SAP130: variants seen among roughly 807,000 people sequenced by gnomAD.
The protein encoded by SAP130 is histone deacetylase complex subunit SAP130.
In SAP130, 16 loss-of-function variants were observed where a neutral mutation model predicts 103.2. The ratio of observed to expected loss-of-function variants is 0.16; its 90% CI spans 0.10 to 0.24. SAP130 has a LOEUF of 0.24. SAP130 is among the 10% of genes least tolerant of loss of function. The pLI is 1.00. For synonymous variants in SAP130, 477 were observed against 497.0 expected, an observed-to-expected ratio of 0.96 and a Z score of 0.53; for missense variants, 990 against 1,359.7, an observed-to-expected ratio of 0.73 and a Z score of 4.28.
intron 13 of SAP130, among the ~76,000 whole-genome samples, chr2:127,987,330 G>A (rs569412806): frequency 2.6e-5 from 4 of 152,198 alleles, no homozygotes; most frequent in Admixed American, 6.5e-5. Context: ...GATTACAGGC[G>A]TGCACCACCA....
chr2:127,979,081 T>C (rs2438025), intron 14 of SAP130, among the ~76,000 whole-genome samples: 119,460 of 152,112 alleles, frequency 0.79, 48,360 homozygotes, highest in Non-Finnish European at 0.88. Flanking sequence ...AGATGTAGAG[T>C]TTTGGATGTA....
At chr2:127,964,183 A>C (rs1680469621) in intron 15 of SAP130, among the ~76,000 whole-genome samples, 1 of 151,986 alleles carries the variant, frequency 6.6e-6, no homozygotes, top group Non-Finnish European at 1.5e-5. Context: ...TGACACGGTG[A>C]GACCCTATCT....
intron 2 of SAP130, among the ~76,000 whole-genome samples, chr2:128,018,736 G>A (rs960081403): frequency 6.6e-6 from 1 of 151,458 alleles, no homozygotes; most frequent in African/African-American, 2.4e-5. Context: ...AGGCTGCAGT[G>A]AGCCAAGCCA....
chr2:127,949,642 A>G (rs1036844146), intron 18 of SAP130, among the ~76,000 whole-genome samples: 2 of 152,228 alleles, frequency 1.3e-5, no homozygotes, highest in Admixed American at 1.3e-4. Context: ...TCACTTAACC[A>G]TTAAACTGCA....
intron 7 of SAP130, among the ~76,000 whole-genome samples, chr2:128,005,988 A>C (rs1318466851): frequency 6.6e-6 from 1 of 152,224 alleles, no homozygotes; most frequent in East Asian, 1.9e-4. Flanking sequence ...CAAAACCATA[A>C]ATAATGGTCA....
intron 7 of SAP130, among the ~76,000 whole-genome samples, chr2:128,009,183 T>C (rs1559093854): frequency 6.6e-6 from 1 of 152,080 alleles, no homozygotes; most frequent in Non-Finnish European, 1.5e-5. Flanking sequence ...CTTCAAAATC[T>C]ACCCAGGGCC....
In SAP130 at chr2:127,942,275, AAT is replaced by A. The variant is rs1678762535; in HGVS notation, c.3016-113_3016-112del. 2 of 1,191,980 alleles carry A rather than the reference AAT, an allele frequency of 1.7e-6. No individual in the cohort carries two copies. Among genetic ancestry groups the A allele is most frequent in the African/African-American group, 3.0e-5 (2 of 65,780 alleles). 73.8% of individuals were successfully genotyped at this position (1,191,980 alleles called of 1,614,324 possible). On this transcript the variant is annotated intron_variant, in intron 20 of 20. Coordinates refer to ENST00000643581, the MANE Select transcript of SAP130 (RefSeq NM_001330301.2). This position sits in a 1 kb window ranked among gnomAD's most constrained non-coding sequence, Gnocchi z 4.8. ...ATGTTGAGGCTTCCACAACAGAGAA[AAT>A]GTCTTTTTGTTTCTCAGGAGTGCAG...
intron 15 of SAP130, among the ~76,000 whole-genome samples, chr2:127,970,934 T>C (rs1344325639): frequency 6.6e-6 from 1 of 152,070 alleles, no homozygotes; most frequent in Admixed American, 6.6e-5. Flanking sequence ...ATGCTCTGTA[T>C]GGTTTTTCTT....
At chr2:127,948,110 T>C (rs1679237301) in intron 18 of SAP130, among the ~76,000 whole-genome samples, 1 of 151,732 alleles carries the variant, frequency 6.6e-6, no homozygotes, top group South Asian at 2.1e-4. Context: ...TTTCCAGTCT[T>C]TTACTGTCAA....
intron 1 of SAP130, chr2:128,027,205 G>C: frequency 9.0e-6 from 11 of 1,216,084 alleles, no homozygotes; most frequent in Non-Finnish European, 1.1e-5. Context: ...GGGAGGGATC[G>C]CGGCGGCGGC....
chr2:127,973,403 T>C lies in SAP130; in HGVS notation c.2063+4582A>G, dbSNP rs777037178. 8.1e-4 allele frequency among the ~76,000 whole-genome samples: 123 copies of C among 152,214 alleles called. 1 individual carries two copies. The highest frequency in any genetic ancestry group is 1.4e-3 in the Non-Finnish European group (93 of 68,036). Reference sequence around the variant, plus strand: ...ATGCGCCACCACGCTCGGCTAATTTTGTATTTTTAGTAGAGAGGGGGTTTC... The same window carrying C: ...ATGCGCCACCACGCTCGGCTAATTTCGTATTTTTAGTAGAGAGGGGGTTTC... On this transcript the variant is annotated intron_variant, in intron 15 of 20. Transcript: ENST00000643581.
chr2:127,966,728 C>A (rs1459623356), intron 15 of SAP130, among the ~76,000 whole-genome samples: 2 of 152,074 alleles, frequency 1.3e-5, no homozygotes, highest in African/African-American at 2.4e-5. Context: ...AAAGGACCCT[C>A]TGTGTTTTGC....
At chr2:127,988,331 T>C (rs938890196) in intron 13 of SAP130, among the ~76,000 whole-genome samples, 2 of 149,782 alleles carry the variant, frequency 1.3e-5, no homozygotes, top group Admixed American at 1.4e-4. Flanking sequence ...GTCTGAGGCA[T>C]AAGGACTGCT....
intron 7 of SAP130, among the ~76,000 whole-genome samples, chr2:128,005,636 T>G (rs1352072387): frequency 6.6e-6 from 1 of 151,520 alleles, no homozygotes; most frequent in Non-Finnish European, 1.5e-5. Context: ...AAACTGTTCA[T>G]ATAGTTTTTC....
intron 15 of SAP130, among the ~76,000 whole-genome samples, chr2:127,964,626 G>C (rs1033396545): frequency 1.3e-5 from 2 of 151,598 alleles, no homozygotes; most frequent in African/African-American, 4.8e-5. Context: ...AAAACTGTTA[G>C]GCTGAAAAAC....
intron 7 of SAP130, among the ~76,000 whole-genome samples, chr2:128,003,191 G>A (rs1203658148): frequency 6.6e-6 from 1 of 151,818 alleles, no homozygotes; most frequent in African/African-American, 2.4e-5. Flanking sequence ...GGCACTGGGA[G>A]CAAAAGAAAG....
chr2:127,944,265 G>C (rs1442013414), intron 19 of SAP130, among the ~76,000 whole-genome samples: 1 of 151,838 alleles, frequency 6.6e-6, no homozygotes, highest in African/African-American at 2.4e-5. Flanking sequence ...CAAACTCCTG[G>C]GCCCAAGCAA....
chr2:127,999,534 G>A (rs958398661), intron 10 of SAP130, among the ~76,000 whole-genome samples: 1 of 151,894 alleles, frequency 6.6e-6, no homozygotes, highest in African/African-American at 2.4e-5. Context: ...AACCCAGGAG[G>A]TGGAGGTTGC....
intron 15 of SAP130, among the ~76,000 whole-genome samples, chr2:127,971,204 C>T (rs1183695497): frequency 1.3e-5 from 2 of 152,030 alleles, no homozygotes; most frequent in Non-Finnish European, 2.9e-5. Flanking sequence ...CTGTTGACCT[C>T]GGCCTCCTAA....
Sources: allele counts gnomAD v4.1 joint callset (sites outside exome capture counted in the v4.1 genomes callset), GRCh38; gene constraint gnomAD v4.1.1; non-coding constraint Gnocchi (gnomAD v3.1); transcripts MANE v1.5; gene names NCBI Gene and HGNC (gene_info 2026-07-23, HGNC 2026-07-21).